TENM3: variants seen among roughly 807,000 people sequenced by gnomAD.
TENM3 encodes teneurin transmembrane protein 3.
TENM3 carries 63 observed loss-of-function variants against 255.1 expected under a neutral mutation model. That is an observed-to-expected ratio of 0.25 (90% CI 0.20 to 0.30). The LOEUF is 0.30. Among genes scored for constraint, TENM3 ranks in the 10% least tolerant of loss-of-function variants. The pLI, the probability that TENM3 is intolerant of heterozygous loss-of-function variation, is 1.00. For synonymous variants in TENM3, 1,306 were observed against 1,322.3 expected, an observed-to-expected ratio of 0.99 and a Z score of 0.27; for missense variants, 2,929 against 3,461.1, an observed-to-expected ratio of 0.85 and a Z score of 3.86.
At chr4:182,424,094 G>A (rs759453150) in intron 3 of TENM3, among the ~76,000 whole-genome samples, 21 of 152,098 alleles carry the variant, frequency 1.4e-4, no homozygotes, top group Admixed American at 4.6e-4. Context: ...ATCCCTATAG[G>A]TAAAAACCTA....
intron 3 of TENM3, among the ~76,000 whole-genome samples, chr4:182,462,208 T>G (rs939067010): frequency 6.6e-6 from 1 of 151,718 alleles, no homozygotes; most frequent in Non-Finnish European, 1.5e-5. Context: ...GGCCCACACA[T>G]TGCCACACCT....
the TENM3 span, among the ~76,000 whole-genome samples, chr4:182,055,254 G>A: frequency 1.3e-5 from 2 of 152,188 alleles, no homozygotes; most frequent in Admixed American, 1.3e-4. Context: ...GGCTAAGGCA[G>A]GAGGATTGCT....
At chr4:182,290,892 T>C (rs7676927) in intron 1 of TENM3, among the ~76,000 whole-genome samples, 33,760 of 140,536 alleles carry the variant, frequency 0.24, 4,192 homozygotes, top group African/African-American at 0.36. Context: ...ACAATCTCTG[T>C]TCACTGCAAT....
intron 3 of TENM3, among the ~76,000 whole-genome samples, chr4:182,516,448 T>C (rs1229985408): frequency 1.3e-5 from 2 of 152,234 alleles, no homozygotes; most frequent in African/African-American, 2.4e-5. Flanking sequence ...TAAATCCCAA[T>C]GGTACTTTTA....
intron 6 of TENM3, among the ~76,000 whole-genome samples, chr4:182,661,192 A>AT (rs35208231): frequency 0.02 from 1,734 of 88,626 alleles, 125 homozygotes; most frequent in African/African-American, 0.06. Context: ...TTAAATTTTA[A>AT]TTTTTTTTTT....
the TENM3 span, among the ~76,000 whole-genome samples, chr4:181,953,330 T>C: frequency 3.3e-5 from 5 of 152,086 alleles, no homozygotes; most frequent in South Asian, 4.1e-4. Context: ...CAAGGGACCA[T>C]ACTTCATCAC....
intron 3 of TENM3, among the ~76,000 whole-genome samples, chr4:182,426,007 C>A (rs1214638317): frequency 3.5e-4 from 32 of 90,726 alleles, no homozygotes; most frequent in African/African-American, 9.7e-4. Flanking sequence ...GAGTCCATGT[C>A]AAAAAAAAAA....
chr4:182,619,182 C>G (rs1359767818), intron 4 of TENM3, among the ~76,000 whole-genome samples: 19 of 152,084 alleles, frequency 1.2e-4, no homozygotes, highest in Non-Finnish European at 2.5e-4. Flanking sequence ...AATCGCAACA[C>G]TTTGGGAGGC....
chr4:181,523,981 C>A, the TENM3 span, among the ~76,000 whole-genome samples: 1 of 152,154 alleles, frequency 6.6e-6, no homozygotes, highest in Admixed American at 6.5e-5. Context: ...AAAGGCCATT[C>A]AATTCTCTCT....
At chr4:181,825,555 C>G in the TENM3 span, among the ~76,000 whole-genome samples, 1 of 151,902 alleles carries the variant, frequency 6.6e-6, no homozygotes, top group South Asian at 2.1e-4. Flanking sequence ...AAATTGTAGT[C>G]CCACTGAAGG....
At chr4:181,802,536 A>G in the TENM3 span, among the ~76,000 whole-genome samples, 1 of 152,238 alleles carries the variant, frequency 6.6e-6, no homozygotes, top group Non-Finnish European at 1.5e-5. Flanking sequence ...ACTAGTTTGT[A>G]GTTTGAAAGC....
chr4:181,561,016 G>A, the TENM3 span, among the ~76,000 whole-genome samples: 1 of 152,058 alleles, frequency 6.6e-6, no homozygotes, highest in Non-Finnish European at 1.5e-5. Context: ...GCAGTGACGC[G>A]ATTTCAACTC....
the TENM3 span, among the ~76,000 whole-genome samples, chr4:181,870,922 T>A: frequency 7.1e-4 from 108 of 152,236 alleles, 1 homozygote; most frequent in East Asian, 0.019. Context: ...ATTGGATCTC[T>A]GATTATCTTG....
chr4:182,069,771 C>G, the TENM3 span, among the ~76,000 whole-genome samples: 1 of 152,016 alleles, frequency 6.6e-6, no homozygotes, highest in Admixed American at 6.6e-5. Flanking sequence ...AGCTCTCCCT[C>G]TGCTCAGAAA....
the TENM3 span, among the ~76,000 whole-genome samples, chr4:181,466,362 C>A: frequency 6.6e-6 from 1 of 151,874 alleles, no homozygotes; most frequent in Non-Finnish European, 1.5e-5. Context: ...GTGATCCACC[C>A]GCCTCGGCCT....
At chr4:181,973,950 A>C in the TENM3 span, among the ~76,000 whole-genome samples, 1 of 152,162 alleles carries the variant, frequency 6.6e-6, no homozygotes, top group East Asian at 1.9e-4. Context: ...TAAAGGGGAC[A>C]CCGGCAGGGG....
chr4:181,477,631 A>T, the TENM3 span, among the ~76,000 whole-genome samples: 2 of 152,130 alleles, frequency 1.3e-5, no homozygotes, highest in East Asian at 1.9e-4. Flanking sequence ...TGCATTTTTT[A>T]AAAAAATAAT....
chr4:181,828,423 C>T, the TENM3 span, among the ~76,000 whole-genome samples: 1 of 152,176 alleles, frequency 6.6e-6, no homozygotes, highest in Non-Finnish European at 1.5e-5. Flanking sequence ...TTACAAAGCC[C>T]ACTATTTGCA....
chr4:182,045,072 TGTTTTGCAAACAGC>T, the TENM3 span, among the ~76,000 whole-genome samples: 1 of 152,254 alleles, frequency 6.6e-6, no homozygotes, highest in Admixed American at 6.5e-5. Context: ...GATGTTTCGG[TGTTTTGCAAACAGC>T]GTTTGGTGCA....
Sources: allele counts gnomAD v4.1 joint callset (sites outside exome capture counted in the v4.1 genomes callset), GRCh38; gene constraint gnomAD v4.1.1; transcripts MANE v1.5; gene names NCBI Gene and HGNC (gene_info 2026-07-23, HGNC 2026-07-21).